The following ANXA8 variants were observed in gnomAD, a reference collection of about 807,000 sequenced individuals.
The protein encoded by ANXA8 is annexin A8.
Under a neutral mutation model 26.8 loss-of-function variants are expected in ANXA8, and 9 were observed. The observed-to-expected ratio is 0.34, with a 90% CI of 0.20 to 0.59. ANXA8 has a LOEUF of 0.59. Among genes scored for constraint, ANXA8 ranks in the 20% least tolerant of loss-of-function variants. ANXA8 has a pLI of 0.84. For missense variants in ANXA8, 83 were observed against 238.5 expected (o/e 0.35, Z 4.29); for synonymous variants, 39 against 94.8 (o/e 0.41, Z 3.42).
chr10:47,666,873 G>A, the ANXA8 span, among the ~76,000 whole-genome samples: 2 of 151,934 alleles, frequency 1.3e-5, no homozygotes, highest in South Asian at 4.1e-4. Context: ...GGTTTTTCAA[G>A]AAACATTTAA....
At chr10:47,551,944 A>G in the ANXA8 span, 1 of 894,612 alleles carries the variant, frequency 1.1e-6, no homozygotes, top group Non-Finnish European at 1.5e-6. Flanking sequence ...AATAACAAGT[A>G]ACTCTAACCT....
At chr10:47,777,377 T>C in the ANXA8 span, among the ~76,000 whole-genome samples, 3 of 151,932 alleles carry the variant, frequency 2.0e-5, no homozygotes, top group African/African-American at 7.3e-5. Context: ...GGTCTCGAAC[T>C]CCCGGGCTCA....
chr10:47,487,907 G>A (rs1840075267), upstream of ANXA8, among the ~76,000 whole-genome samples: 1 of 151,058 alleles, frequency 6.6e-6, no homozygotes, highest in East Asian at 2.0e-4. Flanking sequence ...AGTCTCTGAT[G>A]TTATTACTAT....
At chr10:47,955,281 T>A in the ANXA8 span, among the ~76,000 whole-genome samples, 10 of 151,056 alleles carry the variant, frequency 6.6e-5, no homozygotes, top group African/African-American at 2.4e-4. Context: ...ATCTTTTTTT[T>A]TTTTTTTGTA....
the ANXA8 span, among the ~76,000 whole-genome samples, chr10:47,953,849 G>A: frequency 6.6e-6 from 1 of 150,646 alleles, no homozygotes; most frequent in Non-Finnish European, 1.5e-5. Flanking sequence ...GGGATCTCAT[G>A]TCAACCCGGT....
the ANXA8 span, among the ~76,000 whole-genome samples, chr10:47,967,389 C>T: frequency 6.7e-6 from 1 of 149,796 alleles, no homozygotes; most frequent in African/African-American, 2.5e-5. Flanking sequence ...TCCCTTCATC[C>T]TTCCAAAGTT....
At chr10:47,502,043 A>C in the ANXA8 span, 3 of 1,518,792 alleles carry the variant, frequency 2.0e-6, no homozygotes, top group Non-Finnish European at 2.7e-6. Flanking sequence ...TTGTTTTTGC[A>C]CCAAGGAGAC....
At chr10:47,502,793 G>A in the ANXA8 span, 1 of 1,578,686 alleles carries the variant, frequency 6.3e-7, no homozygotes, top group East Asian at 2.4e-5. Flanking sequence ...CATGACTGCA[G>A]GCTGGCCAGG....
At chr10:47,554,175 G>GCCTGTGGTC in the ANXA8 span, among the ~76,000 whole-genome samples, 17 of 125,820 alleles carry the variant, frequency 1.4e-4, 1 homozygote, top group Non-Finnish European at 2.4e-4. Context: ...GTGGCAGGGC[G>GCCTGTGGTC]CCTGTGGTCC....
At chr10:47,567,633 T>G in the ANXA8 span, among the ~76,000 whole-genome samples, 1 of 151,874 alleles carries the variant, frequency 6.6e-6, no homozygotes. Flanking sequence ...CCACCCACTC[T>G]TGTTCCCCAA....
chr10:47,967,293 C>T, the ANXA8 span, among the ~76,000 whole-genome samples: 1 of 151,092 alleles, frequency 6.6e-6, no homozygotes, highest in Non-Finnish European at 1.5e-5. Flanking sequence ...GTATAGGCAC[C>T]CTTATTTTTT....
chr10:47,977,748 A>G, the ANXA8 span, among the ~76,000 whole-genome samples: 1 of 151,686 alleles, frequency 6.6e-6, no homozygotes, highest in Non-Finnish European at 1.5e-5. Context: ...TAAGTTGAAT[A>G]TGGGTCAATT....
chr10:47,550,894 G>T, the ANXA8 span: 3 of 162,404 alleles, frequency 1.8e-5, no homozygotes, highest in African/African-American at 7.4e-5. Flanking sequence ...TTTTAAAATA[G>T]AGTAAAAGGT....
At chr10:47,485,110 A>G (rs1448161906), upstream of ANXA8, among the ~76,000 whole-genome samples, 1 of 151,772 alleles carries the variant, frequency 6.6e-6, no homozygotes, top group Non-Finnish European at 1.5e-5. Context: ...GAGCTAAAGT[A>G]TCTATAATAC....
chr10:47,548,493 G>A, the ANXA8 span, among the ~76,000 whole-genome samples: 1 of 152,160 alleles, frequency 6.6e-6, no homozygotes, highest in Non-Finnish European at 1.5e-5. Context: ...TAGAGACGGG[G>A]TTTCTGCATG....
the ANXA8 span, among the ~76,000 whole-genome samples, chr10:47,940,644 A>G: frequency 7.7e-4 from 114 of 148,106 alleles, 2 homozygotes; most frequent in South Asian, 1.7e-3. Context: ...CCTGGCCAAC[A>G]TGGTGAAACA....
At chr10:47,625,725 G>A in the ANXA8 span, among the ~76,000 whole-genome samples, 1,492 of 151,502 alleles carry the variant, frequency 9.8e-3, 6 homozygotes, top group Middle Eastern at 0.027. Flanking sequence ...TTGTGTGTGT[G>A]GTGAGAATAC....
At chr10:47,900,167 C>CT in the ANXA8 span, among the ~76,000 whole-genome samples, 2 of 146,256 alleles carry the variant, frequency 1.4e-5, no homozygotes, top group Admixed American at 6.8e-5. Context: ...TTTGTTTATA[C>CT]TTTTTTCTTT....
chr10:47,626,689 G>A, the ANXA8 span, among the ~76,000 whole-genome samples: 4 of 150,222 alleles, frequency 2.7e-5, 1 homozygote, highest in African/African-American at 5.0e-5. Flanking sequence ...CCCCAACTTA[G>A]CTTCAAACTG....
Sources: allele counts gnomAD v4.1 joint callset (sites outside exome capture counted in the v4.1 genomes callset), GRCh38; gene constraint gnomAD v4.1.1; transcripts MANE v1.5; gene names NCBI Gene and HGNC (gene_info 2026-07-23, HGNC 2026-07-21).